Variants in ATAD3A observed in about 807,000 individuals in gnomAD.
ATAD3A encodes the protein ATPase family AAA domain-containing protein 3A.
In ATAD3A, 46 loss-of-function variants were observed where a neutral mutation model predicts 73.8. The ratio of observed to expected loss-of-function variants is 0.62; its 90% confidence interval spans 0.49 to 0.80. The LOEUF is 0.80. ATAD3A is among the 30% of genes least tolerant of loss of function. The pLI is 0.00. For missense variants in ATAD3A, 705 were observed against 838.0 expected (o/e 0.84, Z 1.96); for synonymous variants, 319 against 350.0 (o/e 0.91, Z 0.99).
intron 4 of ATAD3A, among the ~76,000 whole-genome samples, 170 bp from the exon 5 acceptor site, chr1:1,518,751 G>C (rs537942581): frequency 4.6e-4 from 66 of 144,830 alleles, no homozygotes; most frequent in South Asian, 2.5e-3. Context: ...CATGGGCACA[G>C]TCACCCGCCT....
At chr1:1,518,856 C>T in intron 4 of ATAD3A, 65 bp from the exon 5 acceptor site, 2 of 1,613,724 alleles carry the variant, frequency 1.2e-6, no homozygotes, top group East Asian at 2.2e-5. Flanking sequence ...ACAGTCATCC[C>T]CCGCACACAT....
intron 7 of ATAD3A, 37 bp from the exon 8 acceptor site, chr1:1,522,707 T>C: frequency 6.2e-7 from 1 of 1,609,196 alleles, no homozygotes; most frequent in Non-Finnish European, 8.5e-7. Context: ...GGAGGGACGG[T>C]GGGGGCCGGT....
In ATAD3A at chr1:1,527,843, C is replaced by T; in HGVS notation, c.1486C>T (p.Pro496Ser). Residue 496 changes from proline to serine, a missense_variant, in exon 14 of 16, where the codon CCG becomes TCG. By Grantham distance (74) the Pro-to-Ser change is moderately conservative (BLOSUM62 -1). Transcript: ENST00000378756. ...RMYFDKYVLK[P>S]ATEGKQRLKL... The stretch of plus-strand genomic sequence containing the variant: ...GTATTTTGACAAGTATGTTCTTAAG[C>T]CGGCCACAGAAGGAAAGCAGTAAGT... 1 of 1,613,452 alleles carries T rather than the reference C, an allele frequency of 6.2e-7. No homozygotes were observed. The highest frequency in any genetic ancestry group is 8.5e-7 in the Non-Finnish European group (1 of 1,179,696).
At chr1:1,518,775 C>T (rs1332537619) in intron 4 of ATAD3A, 146 bp from the exon 5 acceptor site, 5 of 1,523,656 alleles carry the variant, frequency 3.3e-6, no homozygotes, top group African/African-American at 1.4e-5. Flanking sequence ...CATTCGGGCA[C>T]CGTCACCCCC....
chr1:1,522,848 G>C lies in ATAD3A; in HGVS notation c.855G>C (p.Val285=). The part of the protein sequence containing the change: ...IEARLGKPSL[V]RETSRITVLE... ...CTCGGCTGGGGAAGCCGTCCCTAGT[G>C]AGGGAGACGTCCCGCATCACGGTGC... The change falls in exon 8 of 16, where the codon GTG becomes GTC. Residue 285 remains valine (V), a synonymous_variant. Coordinates refer to ENST00000378756, the MANE Select transcript of ATAD3A (RefSeq NM_001170535.3). 1 of 1,610,384 alleles carries C rather than the reference G, an allele frequency of 6.2e-7. No homozygotes were observed. The highest frequency in any genetic ancestry group is 1.1e-5 in the South Asian group (1 of 90,960).
Position 1,520,376 on chromosome 1 carries a change from G to A in ATAD3A, c.680+70G>A, listed in dbSNP as rs541742783. ...AGGTGTGAGTCGCTGGTCCCAGGGC[G>A]CTCTCCAGCTCTTCCAGGCCTTGCC... On this transcript the variant is annotated intron_variant, in intron 6 of 15. Transcript: ENST00000378756. The surrounding 1 kb of genome is among the most constrained non-coding windows in gnomAD (Gnocchi z 4.0). The A allele has an allele frequency of 1.7e-4, 270 of 1,594,272 alleles. 2 individuals carry two copies. The South Asian group carries it at 2.7e-3, about 16-fold the overall frequency.
intron 1 of ATAD3A, among the ~76,000 whole-genome samples, chr1:1,514,421 T>G (rs1344643649): frequency 6.6e-6 from 1 of 152,190 alleles, no homozygotes; most frequent in East Asian, 1.9e-4. Context: ...CTTCAGCCCT[T>G]GGCTTCCCGA....
rs991367057 is a variant in ATAD3A, at chr1:1,518,828, CCCCCTGCACACTCGGGCACAGTCAT to C, written c.445-88_445-64del. 5.4e-5 allele frequency: 87 copies of C among 1,604,346 alleles called. 1 individual carries two copies. In the Admixed American group the frequency reaches 1.4e-3, roughly 27 times the overall value. ...ACACCCCGCAAACGGGCACACTCAC[CCCCCTGCACACTCGGGCACAGTCAT>C]CCCCCGCACACATGGGCACAGTCAC... On this transcript the variant is annotated intron_variant, in intron 4 of 15. Coordinates refer to ENST00000378756, the MANE Select transcript of ATAD3A (RefSeq NM_001170535.3).
chr1:1,517,077 G>A lies in ATAD3A; in HGVS notation c.283-234G>A, dbSNP rs1432549305. The A allele has an allele frequency of 1.1e-5, 16 of 1,514,282 alleles. No individual in the cohort carries two copies. The East Asian group carries it at 3.2e-4, about 30-fold the overall frequency. The allele number at this position is 1,514,282 out of a possible 1,614,324, so 93.8% of individuals were successfully genotyped here. A position where few individuals can be genotyped will look rare whatever the true frequency, so the allele number is the denominator to read the frequency against. ...CAGTGCAGTCCAAAAGGGGGTGTCC[G>A]GCCTCCCTCCCGGGGGGCCTTCGCG... On this transcript the variant is annotated intron_variant, in intron 2 of 15. Coordinates refer to ENST00000378756, the MANE Select transcript of ATAD3A (RefSeq NM_001170535.3).
Position 1,512,353 on chromosome 1 carries a change from G to A in ATAD3A, c.85G>A (p.Ala29Thr), listed in dbSNP as rs1430882796. 2 of 1,243,462 alleles carry A rather than the reference G, an allele frequency of 1.6e-6. No individual in the cohort carries two copies. The highest frequency in any genetic ancestry group is 3.2e-5 in the East Asian group (1 of 30,912). 77.0% of individuals were successfully genotyped at this position (1,243,462 alleles called of 1,614,324 possible). A position where few individuals can be genotyped will look rare whatever the true frequency, so the allele number is the denominator to read the frequency against. ...GCCTTTGCCGCCCGCGCAGCCCGGG[G>A]CCGAGGGCGGCGGGGACCGCGGGTT... ...PPPLPPAQPG[A>T]EGGGDRGLGD... The change falls in exon 1 of 16, where the codon GCC (alanine) becomes ACC (threonine). Residue 29 changes from alanine to threonine, a missense_variant. Physicochemically the swap from Ala to Thr is moderately conservative, Grantham distance 58. Around this residue, in one of 5 missense-constraint regions of ATAD3A, gnomAD observed 125 missense variants for 170.6 expected, o/e 0.73. Transcript: ENST00000378756.
chr1:1,525,302 C>A lies in ATAD3A; in HGVS notation c.1266+11C>A. The A allele has an allele frequency of 3.1e-6, 5 of 1,612,718 alleles. No homozygotes were observed. The highest frequency in any genetic ancestry group is 4.2e-6 in the Non-Finnish European group (5 of 1,179,252). The stretch of plus-strand genomic sequence containing the variant: ...CGGAAGCGAGCCACCGTGAGTGTCA[C>A]TAAGCCTCTGGCCACAATGGGGTGG... On this transcript the variant is annotated intron_variant, in intron 12 of 15. Coordinates refer to ENST00000378756, the MANE Select transcript of ATAD3A (RefSeq NM_001170535.3).
chr1:1,518,562 G>A (rs1641459699), intron 4 of ATAD3A, among the ~76,000 whole-genome samples: 1 of 96,150 alleles, frequency 1.0e-5, no homozygotes. Context: ...ACGCCTTCCC[G>A]TCACAGGGAC....
intron 4 of ATAD3A, among the ~76,000 whole-genome samples, chr1:1,518,229 C>A (rs573334145): frequency 6.6e-6 from 1 of 151,316 alleles, no homozygotes; most frequent in South Asian, 2.1e-4. Context: ...CAGGTACGCA[C>A]ATACACCCCG....
rs747787362 is a variant in ATAD3A, at chr1:1,518,913, C to T, written c.445-8C>T. 6.2e-7 allele frequency: 1 copy of T among 1,614,006 alleles called. No individual in the cohort carries two copies. On this transcript the variant is annotated splice_region_variant and splice_polypyrimidine_tract_variant and intron_variant, in intron 4 of 15. Transcript: ENST00000378756. The stretch of plus-strand genomic sequence containing the variant: ...AGGCTTTTCTCTTTTTCTGCGGCTT[C>T]TTCTCAGCAACTTCTCAATGAGGAG...
chr1:1,526,995 C>T (rs1641869825), intron 13 of ATAD3A, among the ~76,000 whole-genome samples: 1 of 152,192 alleles, frequency 6.6e-6, no homozygotes, highest in Non-Finnish European at 1.5e-5. Context: ...CGCCCGGATG[C>T]TGGCCAAGGG....
chr1:1,534,250 C>T lies in ATAD3A; in HGVS notation c.*178C>T, dbSNP rs1232688471. On this transcript the variant is annotated 3_prime_UTR_variant, in exon 16 of 16. Coordinates refer to ENST00000378756, the MANE Select transcript of ATAD3A (RefSeq NM_001170535.3). ...GCCGTTCTGCCCCCCAGGGCACCCC[C>T]TGTTGTAGGCACTGGCTAGGGAGGG... 3.4e-6 allele frequency: 5 copies of T among 1,484,974 alleles called. No individual in the cohort carries two copies. Among genetic ancestry groups the T allele is most frequent in the Non-Finnish European group, 4.5e-6 (5 of 1,123,302 alleles). The allele number at this position is 1,484,974 out of a possible 1,614,324, so 92.0% of individuals were successfully genotyped here. A position where few individuals can be genotyped will look rare whatever the true frequency, so the allele number is the denominator to read the frequency against.
In ATAD3A at chr1:1,534,238, C is replaced by T; in HGVS notation, c.*166C>T. 1 of 1,496,802 alleles carries T rather than the reference C, an allele frequency of 6.7e-7. No individual in the cohort carries two copies. The allele number at this position is 1,496,802 out of a possible 1,614,324, so 92.7% of individuals were successfully genotyped here. ...TGGTGCGGGTCGGCCGTTCTGCCCC[C>T]CAGGGCACCCCCTGTTGTAGGCACT... On this transcript the variant is annotated 3_prime_UTR_variant, in exon 16 of 16. Transcript: ENST00000378756.
intron 7 of ATAD3A, among the ~76,000 whole-genome samples, chr1:1,521,740 G>A (rs551049399): frequency 3.9e-5 from 6 of 152,216 alleles, no homozygotes; most frequent in Non-Finnish European, 8.8e-5. Context: ...TTGCTCTGTG[G>A]TCAGACTGGA....
rs1307499748 is a variant in ATAD3A at position 1,530,840 on chromosome 1, A to AC, written c.1614+1509_1614+1510insC. On this transcript the variant is annotated intron_variant, in intron 15 of 15. Transcript: ENST00000378756. ...CGAGACTCCGTCTCAAAAAAAAAAA[A>AC]AAAAAAAAAAAAAAACTAAGAATAA... is the stretch of plus-strand genomic sequence containing the variant. Among the ~76,000 whole-genome samples, 4 of 99,112 alleles carry AC rather than the reference A, an allele frequency of 4.0e-5. 1 individual carries two copies. The highest frequency in any genetic ancestry group is 6.3e-5 in the Non-Finnish European group (4 of 63,712). 65.0% of individuals were successfully genotyped at this position (99,112 alleles called of 152,430 possible).
Sources: allele counts gnomAD v4.1 joint callset (sites outside exome capture counted in the v4.1 genomes callset), GRCh38; gene constraint gnomAD v4.1.1; regional missense constraint gnomAD v4.1.1; non-coding constraint Gnocchi (gnomAD v3.1); transcripts MANE v1.5; gene names NCBI Gene and HGNC (gene_info 2026-07-23, HGNC 2026-07-21).